Variants in DCAF6 observed in about 807,000 individuals in gnomAD.
The protein encoded by DCAF6 is DDB1- and CUL4-associated factor 6.
A neutral mutation model predicts 125.1 loss-of-function variants in DCAF6; 54 were observed. The observed-to-expected ratio is 0.43, with a 90% CI of 0.35 to 0.54. The LOEUF is 0.54. Among genes scored for constraint, DCAF6 ranks in the 20% least tolerant of loss-of-function variants. The pLI, the probability that DCAF6 is intolerant of heterozygous loss-of-function variation, is 0.01. For synonymous variants in DCAF6, 371 were observed against 390.4 expected (o/e 0.95, Z 0.58); for missense variants, 934 against 1,161.7 (o/e 0.80, Z 2.85).
chr1:167,956,640 G>A (rs1318944250), intron 2 of DCAF6, among the ~76,000 whole-genome samples: 1 of 152,018 alleles, frequency 6.6e-6, no homozygotes, highest in African/African-American at 2.4e-5. Context: ...TTTTTTGAGT[G>A]GAAGCTGAGG....
chr1:167,984,692 C>T (rs1034506501), intron 4 of DCAF6, among the ~76,000 whole-genome samples: 5 of 152,112 alleles, frequency 3.3e-5, no homozygotes, highest in African/African-American at 1.2e-4. Context: ...TCTCATTTTC[C>T]TTGAAATGTA....
the DCAF6 span, among the ~76,000 whole-genome samples, chr1:167,915,914 C>T: frequency 5.3e-5 from 8 of 152,260 alleles, no homozygotes; most frequent in South Asian, 1.7e-3. Flanking sequence ...CAAAGTCTCA[C>T]AGTTAATGTG....
chr1:167,888,372 T>G, the DCAF6 span, among the ~76,000 whole-genome samples: 4 of 152,328 alleles, frequency 2.6e-5, no homozygotes, highest in South Asian at 8.3e-4. Flanking sequence ...TTGGGTAGTA[T>G]GAACATTCTT....
chr1:168,068,494 T>C (rs1307283319), intron 21 of DCAF6, 31 bp downstream of exon 21: 1 of 1,118,982 alleles, frequency 8.9e-7, no homozygotes, highest in Non-Finnish European at 1.2e-6. Flanking sequence ...ACTAAAACCA[T>C]TTTTATATTT....
chr1:168,031,818 A>T (rs1687134917), intron 12 of DCAF6, among the ~76,000 whole-genome samples: 1 of 152,090 alleles, frequency 6.6e-6, no homozygotes, highest in African/African-American at 2.4e-5. Context: ...ACTTATTTTC[A>T]TTCTATACTG....
intron 1 of DCAF6, among the ~76,000 whole-genome samples, chr1:167,943,138 T>G (rs1249099876): frequency 6.6e-6 from 1 of 152,192 alleles, no homozygotes; most frequent in African/African-American, 2.4e-5. Context: ...CTCGATCTCC[T>G]GACCTTGTGA....
chr1:168,069,060 A>G (rs1692722947), intron 21 of DCAF6, among the ~76,000 whole-genome samples: 1 of 152,158 alleles, frequency 6.6e-6, no homozygotes, highest in South Asian at 2.1e-4. Flanking sequence ...GGTATTAGCT[A>G]TCATTTAATA....
chr1:168,023,068 G>A (rs770068704), intron 12 of DCAF6, 21 bp downstream of exon 12: 20 of 1,612,760 alleles, frequency 1.2e-5, no homozygotes, highest in East Asian at 2.2e-5. Context: ...CAGGAGATGC[G>A]CTATGCCCAT....
chr1:167,893,439 G>A, the DCAF6 span, among the ~76,000 whole-genome samples: 1 of 152,160 alleles, frequency 6.6e-6, no homozygotes, highest in Admixed American at 6.5e-5. Flanking sequence ...TAGGCTCAGT[G>A]TGGTGGCTCA....
chr1:167,888,901 G>C, the DCAF6 span, among the ~76,000 whole-genome samples: 3 of 143,622 alleles, frequency 2.1e-5, no homozygotes, highest in Middle Eastern at 3.8e-3. Flanking sequence ...GAAAAAGAAA[G>C]AAAAAGAAAT....
intron 2 of DCAF6, among the ~76,000 whole-genome samples, chr1:167,954,772 C>T (rs763534837): frequency 3.9e-4 from 60 of 152,226 alleles, no homozygotes; most frequent in Non-Finnish European, 7.5e-4. Flanking sequence ...TTTTTAAGAG[C>T]TTTATTGAGA....
At chr1:167,870,602 G>A in the DCAF6 span, among the ~76,000 whole-genome samples, 5 of 146,686 alleles carry the variant, frequency 3.4e-5, no homozygotes, top group Non-Finnish European at 7.4e-5. Flanking sequence ...TGACCAGCCT[G>A]GCCAACATGA....
upstream of DCAF6, chr1:167,936,010 C>A: frequency 1.6e-6 from 1 of 616,932 alleles, no homozygotes; most frequent in South Asian, 2.0e-5. Flanking sequence ...CGAAAAGCTG[C>A]GGCCCGCGCC....
At chr1:167,924,455 G>T in the DCAF6 span, 8 of 1,531,340 alleles carry the variant, frequency 5.2e-6, no homozygotes, top group South Asian at 8.4e-5. Flanking sequence ...TCCTATTAAG[G>T]AATTTGTCTT....
At chr1:167,972,352 T>C (rs1454911424) in intron 3 of DCAF6, among the ~76,000 whole-genome samples, 1 of 152,260 alleles carries the variant, frequency 6.6e-6, no homozygotes, top group Non-Finnish European at 1.5e-5. Flanking sequence ...TGAACAATTA[T>C]TCATTAATAA....
chr1:167,993,155 A>G, intron 6 of DCAF6, 71 bp from the exon 7 acceptor site: 1 of 1,301,892 alleles, frequency 7.7e-7, no homozygotes, highest in Non-Finnish European at 1.1e-6. Flanking sequence ...AATAATTCAG[A>G]TTAAGAGTTT....
chr1:168,024,878 C>T (rs1262599576), intron 12 of DCAF6, among the ~76,000 whole-genome samples: 1 of 150,960 alleles, frequency 6.6e-6, no homozygotes, highest in Non-Finnish European at 1.5e-5. Flanking sequence ...TCCTTATGGA[C>T]CTTAGATGAC....
chr1:167,949,687 G>A (rs1673628136), intron 1 of DCAF6, among the ~76,000 whole-genome samples: 1 of 152,180 alleles, frequency 6.6e-6, no homozygotes, highest in African/African-American at 2.4e-5. Flanking sequence ...GGAGTTTGGT[G>A]TCTTTTGCTA....
At chr1:167,951,676 A>G (rs1450326432) in intron 1 of DCAF6, 124 bp from the exon 2 acceptor site, 2 of 639,070 alleles carry the variant, frequency 3.1e-6, no homozygotes, top group East Asian at 2.8e-5. Flanking sequence ...CAGTTTATAA[A>G]TGGTGGAGCT....
Sources: gnomAD v4.1 joint callset for allele counts (sites outside exome capture counted in the v4.1 genomes callset) on GRCh38, gnomAD v4.1.1 for gene constraint, MANE v1.5 for transcripts, NCBI Gene and HGNC (gene_info 2026-07-23, HGNC 2026-07-21) for gene names.